WWOX: variants seen among roughly 807,000 people sequenced by gnomAD.
WWOX encodes WW domain-containing oxidoreductase.
Under a neutral mutation model 46.2 loss-of-function variants are expected in WWOX, and 69 were observed. The observed-to-expected ratio is 1.49, with a 90% CI of 1.23 to 1.82. WWOX has a LOEUF of 1.82. Among genes scored for constraint, WWOX ranks in the 40% most tolerant of loss-of-function variants. WWOX has a pLI of 0.00. For missense variants in WWOX, 919 were observed against 542.6 expected, an observed-to-expected ratio of 1.69 and a Z score of -6.89; for synonymous variants, 359 against 202.6, an observed-to-expected ratio of 1.77 and a Z score of -6.56.
chr16:78,524,978 G>C (rs1171366901), intron 8 of WWOX, among the ~76,000 whole-genome samples: 2 of 148,000 alleles, frequency 1.4e-5, no homozygotes, highest in Non-Finnish European at 3.0e-5. Flanking sequence ...CAATCTTCGT[G>C]TTTCAGCCTC....
At chr16:78,854,244 C>T (rs2052517317) in intron 8 of WWOX, among the ~76,000 whole-genome samples, 1 of 152,180 alleles carries the variant, frequency 6.6e-6, no homozygotes, top group African/African-American at 2.4e-5. Context: ...TATAATAAAA[C>T]TTCATTTTAT....
intron 5 of WWOX, among the ~76,000 whole-genome samples, chr16:78,358,985 C>G (rs1017598106): frequency 1.3e-5 from 2 of 149,668 alleles, no homozygotes; most frequent in South Asian, 2.1e-4. Context: ...GTAAATTAAT[C>G]CCTTATTGCT....
chr16:78,998,409 T>G (rs2047031438), intron 8 of WWOX, among the ~76,000 whole-genome samples: 1 of 152,158 alleles, frequency 6.6e-6, no homozygotes, highest in Non-Finnish European at 1.5e-5. Context: ...TCACAGAAGA[T>G]GCTCCACATG....
intron 8 of WWOX, among the ~76,000 whole-genome samples, chr16:78,538,734 C>T (rs1229701490): frequency 6.6e-6 from 1 of 152,098 alleles, no homozygotes; most frequent in African/African-American, 2.4e-5. Flanking sequence ...TTTCTAATAC[C>T]AGCATCTGAT....
chr16:78,528,165 A>ATTTTTTTTTTTTTTTTTTTTTTT (rs56803717), intron 8 of WWOX, among the ~76,000 whole-genome samples: 2 of 58,400 alleles, frequency 3.4e-5, no homozygotes, highest in African/African-American at 8.4e-5. Context: ...CACCTGGCTA[A>ATTTTTTTTTTTTTTTTTTTTTTT]TTTTTTTTTT....
chr16:78,623,319 A>G (rs1442586731), intron 8 of WWOX, among the ~76,000 whole-genome samples: 1 of 152,196 alleles, frequency 6.6e-6, no homozygotes, highest in African/African-American at 2.4e-5. Flanking sequence ...ATTTGGCTGC[A>G]CAGCAAGTTC....
At chr16:78,943,358 C>T (rs1309278251) in intron 8 of WWOX, among the ~76,000 whole-genome samples, 1 of 147,108 alleles carries the variant, frequency 6.8e-6, no homozygotes, top group African/African-American at 2.7e-5. Flanking sequence ...AGATTACACT[C>T]TTATTCACTA....
At chr16:78,117,779 A>G (rs2032877636) in intron 4 of WWOX, among the ~76,000 whole-genome samples, 1 of 152,162 alleles carries the variant, frequency 6.6e-6, no homozygotes, top group Non-Finnish European at 1.5e-5. Flanking sequence ...GGCATTCAGG[A>G]GTCATATTCT....
At chr16:78,733,292 C>CA (rs2049008247) in intron 8 of WWOX, among the ~76,000 whole-genome samples, 1 of 151,942 alleles carries the variant, frequency 6.6e-6, no homozygotes, top group Admixed American at 6.5e-5. Context: ...ACTGTTTCTA[C>CA]AAAAAATAAT....
chr16:78,400,287 C>A (rs2082381183), intron 6 of WWOX, among the ~76,000 whole-genome samples: 1 of 152,128 alleles, frequency 6.6e-6, no homozygotes, highest in African/African-American at 2.4e-5. Context: ...ACAAATTACA[C>A]AGCTTTGGGA....
intron 8 of WWOX, among the ~76,000 whole-genome samples, chr16:78,759,711 C>T (rs1028955721): frequency 3.3e-5 from 5 of 152,290 alleles, no homozygotes; most frequent in South Asian, 4.1e-4. Context: ...GTTGTAGTTT[C>T]CTATGGCTGC....
rs1397351300 is a variant in WWOX, at chr16:78,553,223, T to C, written c.1056+120471T>C. 3.9e-5 allele frequency: 6 copies of C among 152,246 alleles called. 2 individuals are homozygous for C. The highest frequency in any genetic ancestry group is 2.9e-5 in the Non-Finnish European group (2 of 68,068). The allele number at this position is 152,246 out of a possible 1,614,324, so 9.4% of individuals were successfully genotyped here. ...GGTTGATAGGTGCAGCAAACCACCA[T>C]GGCACAGGTTTACCTATGTAACAAA... On this transcript the variant is annotated intron_variant, in intron 8 of 8. Transcript: ENST00000566780.
chr16:78,202,163 A>G (rs1336063282), intron 5 of WWOX, among the ~76,000 whole-genome samples: 2 of 152,114 alleles, frequency 1.3e-5, no homozygotes, highest in African/African-American at 2.4e-5. Flanking sequence ...CTCCCCACAA[A>G]CCTAGTTGAT....
At chr16:78,990,495 G>A (rs1275987940) in intron 8 of WWOX, among the ~76,000 whole-genome samples, 1 of 152,156 alleles carries the variant, frequency 6.6e-6, no homozygotes, top group Non-Finnish European at 1.5e-5. Flanking sequence ...AAACTCTGTG[G>A]CCTGCATTCT....
At chr16:78,376,637 G>C (rs1159606112) in intron 5 of WWOX, among the ~76,000 whole-genome samples, 3 of 152,170 alleles carry the variant, frequency 2.0e-5, no homozygotes, top group Admixed American at 1.3e-4. Flanking sequence ...TATGGGGGCT[G>C]TTCTGTTCGT....
At chr16:78,122,893 C>A (rs776035331) in intron 4 of WWOX, among the ~76,000 whole-genome samples, 1 of 152,140 alleles carries the variant, frequency 6.6e-6, no homozygotes, top group Admixed American at 6.6e-5. Flanking sequence ...ACACTAGCCA[C>A]CATGCCCGGG....
intron 8 of WWOX, among the ~76,000 whole-genome samples, chr16:79,026,306 C>T (rs1434467640): frequency 6.6e-6 from 1 of 151,708 alleles, no homozygotes; most frequent in South Asian, 2.1e-4. Context: ...GGCCTTTGCA[C>T]ATCCTCTGCC....
chr16:79,202,648 T>G (rs184141809), intron 8 of WWOX: 1 of 152,210 alleles, frequency 6.6e-6, no homozygotes, highest in Admixed American at 6.5e-5. Context: ...TAATTTCTAT[T>G]CAGCTTTAAA....
chr16:78,295,831 T>G (rs974173725), intron 5 of WWOX, among the ~76,000 whole-genome samples: 1 of 152,244 alleles, frequency 6.6e-6, no homozygotes, highest in Non-Finnish European at 1.5e-5. Flanking sequence ...CCCCAGCATT[T>G]TTATTTTCGA....
Sources: allele counts gnomAD v4.1 joint callset (sites outside exome capture counted in the v4.1 genomes callset), GRCh38; gene constraint gnomAD v4.1.1; transcripts MANE v1.5; gene names NCBI Gene and HGNC (gene_info 2026-07-23, HGNC 2026-07-21).